TREML4: variants seen among roughly 807,000 people sequenced by gnomAD.
TREML4 encodes triggering receptor expressed on myeloid cells like 4, also known as trem-like transcript 4 protein.
In TREML4, 25 loss-of-function variants were observed where a neutral mutation model predicts 25.4. The observed-to-expected ratio is 0.98, with a 90% CI of 0.72 to 1.37. TREML4 has a LOEUF of 1.37. TREML4 is among the 40% of genes most tolerant of loss of function. The probability of loss-of-function intolerance (pLI) is 0.00; values close to 1 mark genes in which losing one functional copy is unlikely to be tolerated. For synonymous variants in TREML4, 92 were observed against 87.9 expected, an observed-to-expected ratio of 1.05 and a Z score of -0.26; for missense variants, 268 against 236.5, an observed-to-expected ratio of 1.13 and a Z score of -0.87.
chr6:41,231,116 C>T (rs745362171), intron 4 of TREML4: 21 of 443,698 alleles, frequency 4.7e-5, no homozygotes, highest in South Asian at 2.9e-4. Context: ...TTCAGGGCTC[C>T]CACAGATTCT....
At position 41,229,688 on chromosome 6, in the gene TREML4, CCTGGGCT is replaced by C; in HGVS notation, c.445+118_445+124del. ...GCCTCTGAGGACTGATCTCTTGGGG[CCTGGGCT>C]TGTGGGAAGCTACCTTCAGGGCCCA... On this transcript the variant is annotated intron_variant, in intron 3 of 5. Coordinates refer to ENST00000341495, the MANE Select transcript of TREML4 (RefSeq NM_198153.3). The C allele has an allele frequency of 2.7e-6, 3 of 1,108,924 alleles. No individual in the cohort carries two copies. The South Asian group carries it at 3.7e-5, about 14-fold the overall frequency. The allele number at this position is 1,108,924 out of a possible 1,614,324, so 68.7% of individuals were successfully genotyped here.
chr6:41,233,841 T>C (rs975076891), intron 4 of TREML4, among the ~76,000 whole-genome samples: 3 of 151,140 alleles, frequency 2.0e-5, no homozygotes, highest in African/African-American at 7.3e-5. Flanking sequence ...TTTAAATATA[T>C]AATATTTTCA....
chr6:41,235,254 A>G (rs1766873118), intron 4 of TREML4, among the ~76,000 whole-genome samples: 1 of 152,174 alleles, frequency 6.6e-6, no homozygotes, highest in Admixed American at 6.5e-5. Context: ...AAGATTACTT[A>G]TTGGAGGTAT....
At chr6:41,230,362 G>T (rs1766769347) in intron 4 of TREML4, among the ~76,000 whole-genome samples, 1 of 152,178 alleles carries the variant, frequency 6.6e-6, no homozygotes, top group Non-Finnish European at 1.5e-5. Flanking sequence ...ATGGATTTCT[G>T]CAATAAAACA....
Position 41,228,780 on chromosome 6 carries a change from C to T in TREML4, c.130C>T (p.Pro44Ser). The T allele has an allele frequency of 6.2e-7, 1 of 1,614,142 alleles. No individual in the cohort carries two copies. Among genetic ancestry groups the T allele is most frequent in the Non-Finnish European group, 8.5e-7 (1 of 1,180,028 alleles). ...CCTCCTCCTGCAATGCCAGTACTCA[C>T]CCAAGAGAGGGCCCTATCAGCCCAA... ...QTLLLQCQYS[P>S]KRGPYQPKSW... The change falls in exon 2 of 6, where the codon CCC becomes TCC. Residue 44 changes from proline to serine, a missense_variant. Coordinates refer to ENST00000341495, the MANE Select transcript of TREML4 (RefSeq NM_198153.3).
rs79737738 is a variant in TREML4 at position 41,230,789 on chromosome 6, G to A, written c.506+667G>A. Among the ~76,000 whole-genome samples the A allele has an allele frequency of 5.4e-3, 821 of 152,314 alleles. 23 individuals carry two copies. The highest frequency in any genetic ancestry group is 0.04 in the Admixed American group (619 of 15,302). On this transcript the variant is annotated intron_variant, in intron 4 of 5. Coordinates refer to ENST00000341495, the MANE Select transcript of TREML4 (RefSeq NM_198153.3). ...CAGAGAAAAAGTATGGCAGCTAATG[G>A]GGGTCCCTGGGGTCTTGTGCTCTAG...
chr6:41,228,658 G>T (rs1387703956), intron 1 of TREML4, 56 bp from the exon 2 acceptor site: 7 of 1,559,884 alleles, frequency 4.5e-6, no homozygotes, highest in Non-Finnish European at 6.1e-6. Flanking sequence ...GATGGGGGAG[G>T]TTGGGTCCCT....
intron 4 of TREML4, among the ~76,000 whole-genome samples, chr6:41,231,495 G>A (rs1766798764): frequency 6.6e-6 from 1 of 152,132 alleles, no homozygotes; most frequent in Non-Finnish European, 1.5e-5. Flanking sequence ...AGAAACCTGT[G>A]AAGCAGAACT....
intron 4 of TREML4, among the ~76,000 whole-genome samples, chr6:41,230,719 TACAA>T (rs776775210): frequency 2.6e-5 from 4 of 152,162 alleles, no homozygotes; most frequent in African/African-American, 9.7e-5. Context: ...ACGGGTAGAT[TACAA>T]ACAGACTATC....
chr6:41,230,153 G>T, intron 4 of TREML4, 31 bp downstream of exon 4: 1 of 1,571,178 alleles, frequency 6.4e-7, no homozygotes, highest in South Asian at 1.1e-5. Flanking sequence ...CTGGGAGGGA[G>T]GTCTTGGGAA....
Position 41,228,753 on chromosome 6 carries a change from A to G in TREML4, c.103A>G (p.Thr35Ala). 1 of 1,613,564 alleles carries G rather than the reference A, an allele frequency of 6.2e-7. No homozygotes were observed. Among genetic ancestry groups the G allele is most frequent in the East Asian group, 2.2e-5 (1 of 44,846 alleles). ...PEELHKHPGQ[T>A]LLLQCQYSPK... The stretch of plus-strand genomic sequence containing the variant: ...AGAACTTCACAAACACCCAGGACAG[A>G]CCCTCCTCCTGCAATGCCAGTACTC... The change falls in exon 2 of 6, where the codon ACC becomes GCC. Residue 35 changes from threonine to alanine, a missense_variant. Coordinates refer to ENST00000341495, the MANE Select transcript of TREML4 (RefSeq NM_198153.3).
intron 3 of TREML4, 71 bp from the exon 4 acceptor site, chr6:41,229,991 C>A: frequency 7.4e-7 from 1 of 1,358,478 alleles, no homozygotes; most frequent in Non-Finnish European, 1.1e-6. Flanking sequence ...TCCTCTCACA[C>A]TTTTGGGACC....
At chr6:41,232,748 C>T (rs1248699549) in intron 4 of TREML4, among the ~76,000 whole-genome samples, 2 of 152,126 alleles carry the variant, frequency 1.3e-5, no homozygotes, top group Non-Finnish European at 2.9e-5. Flanking sequence ...CTAGAACCCT[C>T]GCATGCCCCA....
At chr6:41,236,360 C>T in intron 4 of TREML4, 126 bp from the exon 5 acceptor site, 2 of 712,906 alleles carry the variant, frequency 2.8e-6, no homozygotes, top group Non-Finnish European at 2.4e-6. Flanking sequence ...ACCCCTCTGT[C>T]ATCGTTCAGG....
At position 41,236,603 on chromosome 6, in the gene TREML4, C is replaced by G; in HGVS notation, c.*21C>G. The G allele has an allele frequency of 6.3e-7, 1 of 1,580,786 alleles. No homozygotes were observed. Among genetic ancestry groups the G allele is most frequent in the Non-Finnish European group, 8.7e-7 (1 of 1,149,964 alleles). ...TGTGAGTCCTGTTAGTGCTCCTGAT[C>G]TGCAGGTGCCACAGGTGAGGGGGCC... On this transcript the variant is annotated 3_prime_UTR_variant, in exon 5 of 6. Transcript: ENST00000341495.
intron 4 of TREML4, 83 bp downstream of exon 4, chr6:41,230,205 G>A (rs1766765088): frequency 6.1e-6 from 7 of 1,150,316 alleles, no homozygotes; most frequent in African/African-American, 1.5e-5. Context: ...ATCAAGTCCA[G>A]GGCACCCAGG....
intron 4 of TREML4, among the ~76,000 whole-genome samples, chr6:41,231,929 G>T (rs1452185057): frequency 6.6e-6 from 1 of 152,108 alleles, no homozygotes. Flanking sequence ...TTCATACATT[G>T]CCAAATAGGG....
intron 4 of TREML4, among the ~76,000 whole-genome samples, chr6:41,233,469 A>G (rs1264283794): frequency 6.6e-6 from 1 of 152,222 alleles, no homozygotes; most frequent in African/African-American, 2.4e-5. Context: ...AATTTAAGGT[A>G]AAATATTATG....
chr6:41,236,689 G>A, intron 5 of TREML4, 72 bp downstream of exon 5: 1 of 835,476 alleles, frequency 1.2e-6, no homozygotes, highest in Non-Finnish European at 1.9e-6. Context: ...AGATGGCTAG[G>A]AAGAAGCAGC....
Sources: gnomAD v4.1 joint callset for allele counts (sites outside exome capture counted in the v4.1 genomes callset) on GRCh38, gnomAD v4.1.1 for gene constraint, MANE v1.5 for transcripts, NCBI Gene and HGNC (gene_info 2026-07-23, HGNC 2026-07-21) for gene names.